Variants in AHCYL2 observed in about 807,000 individuals in gnomAD.
The protein encoded by AHCYL2 is S-adenosylhomocysteine hydrolase-like protein 2.
AHCYL2 carries 28 observed loss-of-function variants against 81.4 expected under a neutral mutation model. That is an observed-to-expected ratio of 0.34 (90% CI 0.25 to 0.47). AHCYL2 has a LOEUF of 0.47. AHCYL2 is among the 20% of genes least tolerant of loss of function. The probability of loss-of-function intolerance (pLI) is 1.00; values close to 1 mark genes in which losing one functional copy is unlikely to be tolerated. For missense variants in AHCYL2, 551 were observed against 785.1 expected, an observed-to-expected ratio of 0.70 and a Z score of 3.56; for synonymous variants, 272 against 290.2, an observed-to-expected ratio of 0.94 and a Z score of 0.64.
chr7:129,352,420 A>G (rs1453890846), intron 1 of AHCYL2, among the ~76,000 whole-genome samples: 1 of 151,824 alleles, frequency 6.6e-6, no homozygotes, highest in Non-Finnish European at 1.5e-5. Flanking sequence ...CCAGACTCTC[A>G]CTCTACCTAT....
rs1241516631 is a variant in AHCYL2, at chr7:129,225,270, C to T, written c.194C>T (p.Pro65Leu). 3 of 1,451,950 alleles carry T rather than the reference C, an allele frequency of 2.1e-6. No individual in the cohort carries two copies. Among genetic ancestry groups the T allele is most frequent in the Non-Finnish European group, 2.7e-6 (3 of 1,111,416 alleles). The allele number at this position is 1,451,950 out of a possible 1,614,324, so 89.9% of individuals were successfully genotyped here. Residue 65 changes from proline to leucine, a missense_variant, in exon 1 of 17, where the codon CCG becomes CTG. Coordinates refer to ENST00000325006, the MANE Select transcript of AHCYL2 (RefSeq NM_015328.4). ...GCGGAGCGGCCCCCGGTCCCCGGCCCGGGCTCGGGGCCCGCCGCCGCTCTC... is the reference window on the plus strand; with the variant it reads ...GCGGAGCGGCCCCCGGTCCCCGGCCTGGGCTCGGGGCCCGCCGCCGCTCTC... ...PAAERPPVPG[P>L]GSGPAAALSP... is the part of the protein sequence containing the mutation.
chr7:129,250,507 A>G (rs1381700478), intron 1 of AHCYL2, among the ~76,000 whole-genome samples: 1 of 152,148 alleles, frequency 6.6e-6, no homozygotes, highest in Non-Finnish European at 1.5e-5. Context: ...TTCTTGTCCA[A>G]TGTATGTGCC....
rs1045985599 is a variant in AHCYL2, at chr7:129,429,835, G to A, written c.*2790G>A. The A allele has an allele frequency of 2.6e-5, 4 of 152,420 alleles. No homozygotes were observed. The highest frequency in any genetic ancestry group is 4.8e-5 in the African/African-American group (2 of 41,370). 9.4% of individuals were successfully genotyped at this position (152,420 alleles called of 1,614,324 possible). A position where few individuals can be genotyped will look rare whatever the true frequency, so the allele number is the denominator to read the frequency against. ...TCCTGCAAAGCTTTTATGCTGCTTCGCTTTTCTCTAAACAGATCTGATATT... is the reference window on the plus strand; with the variant it reads ...TCCTGCAAAGCTTTTATGCTGCTTCACTTTTCTCTAAACAGATCTGATATT... On this transcript the variant is annotated 3_prime_UTR_variant, in exon 17 of 17. Coordinates refer to ENST00000325006, the MANE Select transcript of AHCYL2 (RefSeq NM_015328.4).
intron 1 of AHCYL2, among the ~76,000 whole-genome samples, chr7:129,343,770 A>C (rs555069810): frequency 3.2e-4 from 49 of 152,330 alleles, no homozygotes; most frequent in African/African-American, 1.0e-3. Context: ...TTTGCACACA[A>C]AAAATACTCT....
At chr7:129,290,318 T>C (rs1018872968) in intron 1 of AHCYL2, among the ~76,000 whole-genome samples, 28 of 150,932 alleles carry the variant, frequency 1.9e-4, no homozygotes, top group Admixed American at 1.7e-3. Context: ...CTGGCCAACA[T>C]GGTGAAACCC....
intron 1 of AHCYL2, among the ~76,000 whole-genome samples, chr7:129,360,446 A>G (rs1321065818): frequency 6.6e-6 from 1 of 152,212 alleles, no homozygotes; most frequent in Non-Finnish European, 1.5e-5. Flanking sequence ...TTCATCTAGC[A>G]CATATTCATG....
chr7:129,290,405 G>A (rs1352130852), intron 1 of AHCYL2, among the ~76,000 whole-genome samples: 1 of 151,704 alleles, frequency 6.6e-6, no homozygotes, highest in African/African-American at 2.4e-5. Context: ...GGAGGCTGAG[G>A]CAGGAGAATG....
In AHCYL2 at chr7:129,405,106, A is replaced by C; in HGVS notation, c.1035A>C (p.Gln345His). Reference protein sequence around the residue: ...ESVTGVHRLYQLSKAGKLCVP... With the variant: ...ESVTGVHRLYHLSKAGKLCVP... Reference sequence around the variant, plus strand: ...CTTCCCTCATCCTCAGGCTGTACCAACTGTCCAAAGCTGGGAAGCTGTGTG... The same window carrying C: ...CTTCCCTCATCCTCAGGCTGTACCACCTGTCCAAAGCTGGGAAGCTGTGTG... Residue 345 changes from glutamine to histidine, a missense_variant, in exon 8 of 17, where the codon CAA becomes CAC. Gln to His is a conservative substitution (Grantham distance 24). Coordinates refer to ENST00000325006, the MANE Select transcript of AHCYL2 (RefSeq NM_015328.4). The C allele has an allele frequency of 6.2e-7, 1 of 1,601,492 alleles. No homozygotes were observed. The highest frequency in any genetic ancestry group is 8.5e-7 in the Non-Finnish European group (1 of 1,174,882).
chr7:129,289,264 A>AT (rs544599765), intron 1 of AHCYL2, among the ~76,000 whole-genome samples: 4 of 151,642 alleles, frequency 2.6e-5, no homozygotes, highest in Non-Finnish European at 5.9e-5. Context: ...TAATTTTTAA[A>AT]TTTTTTTTGT....
rs530419510 is a variant in AHCYL2, at chr7:129,377,755, T to C, written c.364-1883T>C. 108 of 372,526 alleles carry C rather than the reference T, an allele frequency of 2.9e-4. 2 individuals are homozygous for C. Among genetic ancestry groups the C allele is most frequent in the South Asian group, 1.9e-3 (89 of 47,178 alleles). 23.1% of individuals were successfully genotyped at this position (372,526 alleles called of 1,614,324 possible). On this transcript the variant is annotated intron_variant, in intron 1 of 16. Transcript: ENST00000325006. ...AGTTCAATAAATTGTATGAGCTTTT[T>C]TTCCCCAAACAAGTATAGCTTACAA...
intron 1 of AHCYL2, among the ~76,000 whole-genome samples, chr7:129,334,656 C>T (rs1406882198): frequency 6.6e-6 from 1 of 152,064 alleles, no homozygotes; most frequent in African/African-American, 2.4e-5. Context: ...CTTAACTGCC[C>T]CAGGAGGCTG....
rs1175956545 is a variant in AHCYL2, at chr7:129,406,244, G to A, written c.1207-134G>A. 1.6e-5 allele frequency: 12 copies of A among 752,004 alleles called. No homozygotes were observed. Among genetic ancestry groups the A allele is most frequent in the South Asian group, 1.2e-4 (7 of 56,744 alleles). The allele number at this position is 752,004 out of a possible 1,614,324, so 46.6% of individuals were successfully genotyped here. A position where few individuals can be genotyped will look rare whatever the true frequency, so the allele number is the denominator to read the frequency against. Reference sequence around the variant, plus strand: ...CTGCATTCAATTATTTGTTCTTCTCGTTTTCCCCAAGTATGAATCTATTCA... The same window carrying A: ...CTGCATTCAATTATTTGTTCTTCTCATTTTCCCCAAGTATGAATCTATTCA... On this transcript the variant is annotated intron_variant, in intron 9 of 16. Transcript: ENST00000325006. The surrounding 1 kb of genome is among the most constrained non-coding windows in gnomAD (Gnocchi z 4.3).
chr7:129,231,169 A>G (rs1370515290), intron 1 of AHCYL2, among the ~76,000 whole-genome samples: 1 of 151,822 alleles, frequency 6.6e-6, no homozygotes, highest in African/African-American at 2.4e-5. Context: ...GAATGCGGGA[A>G]GTGGAGGTTG....
intron 1 of AHCYL2, among the ~76,000 whole-genome samples, chr7:129,346,725 GT>G (rs1752347767): frequency 6.6e-6 from 1 of 152,178 alleles, no homozygotes; most frequent in African/African-American, 2.4e-5. Context: ...CAGTTTGGTA[GT>G]TTCCTAGAAA....
At chr7:129,371,817 G>A (rs752918113) in intron 1 of AHCYL2, among the ~76,000 whole-genome samples, 7 of 152,170 alleles carry the variant, frequency 4.6e-5, no homozygotes, top group Admixed American at 2.6e-4. Context: ...CTTGATGCCC[G>A]ATATTCTTTT....
intron 1 of AHCYL2, among the ~76,000 whole-genome samples, chr7:129,281,795 G>A (rs904896817): frequency 2.6e-5 from 4 of 152,090 alleles, no homozygotes; most frequent in African/African-American, 7.2e-5. Context: ...ACTGCACCTG[G>A]CCATGTTTCT....
At position 129,383,343 on chromosome 7, in the gene AHCYL2, T is replaced by A. The variant is rs1025146628; in HGVS notation, c.475+3594T>A. ...ATCACATCTGGCTAATTTTTTAAAA[T>A]TTTTTTGTAGAGATAGGGGTCTCAC... On this transcript the variant is annotated intron_variant, in intron 2 of 16. Coordinates refer to ENST00000325006, the MANE Select transcript of AHCYL2 (RefSeq NM_015328.4). Among the ~76,000 whole-genome samples the A allele has an allele frequency of 3.9e-5, 6 of 151,936 alleles. No individual in the cohort carries two copies. The East Asian group carries it at 9.7e-4, about 24-fold the overall frequency.
At chr7:129,337,074 A>G (rs189215651) in intron 1 of AHCYL2, among the ~76,000 whole-genome samples, 5 of 152,332 alleles carry the variant, frequency 3.3e-5, no homozygotes, top group Admixed American at 6.5e-5. Flanking sequence ...AATTATTTAT[A>G]TTCGAATAGC....
At chr7:129,400,880 G>A (rs1795999195) in intron 6 of AHCYL2, among the ~76,000 whole-genome samples, 1 of 152,146 alleles carries the variant, frequency 6.6e-6, no homozygotes, top group Admixed American at 6.5e-5. Flanking sequence ...GAGCTTACAA[G>A]TTCAAATTTC....
Sources: allele counts gnomAD v4.1 joint callset (sites outside exome capture counted in the v4.1 genomes callset), GRCh38; gene constraint gnomAD v4.1.1; non-coding constraint Gnocchi (gnomAD v3.1); transcripts MANE v1.5; gene names NCBI Gene and HGNC (gene_info 2026-07-23, HGNC 2026-07-21).